Variants in FNIP1 observed in about 807,000 individuals in gnomAD.
The protein encoded by FNIP1 is folliculin-interacting protein 1.
FNIP1 carries 40 observed loss-of-function variants against 124.5 expected under a neutral mutation model. The observed-to-expected ratio is 0.32, with a 90% CI of 0.25 to 0.42. FNIP1 has a LOEUF of 0.42. Ranked by LOEUF, FNIP1 falls within the 10% of genes least tolerant of loss-of-function variation. The probability of loss-of-function intolerance (pLI) is 1.00; values close to 1 mark genes in which losing one functional copy is unlikely to be tolerated. For missense variants in FNIP1, 1,176 were observed against 1,403.7 expected (o/e 0.84, Z 2.59); for synonymous variants, 472 against 470.6 (o/e 1.00, Z -0.04).
At position 131,672,163 on chromosome 5, in the gene FNIP1, G is replaced by A. The variant is rs1178115898; in HGVS notation, c.2281C>T (p.Pro761Ser). ...VTFLIGDSMS[P>S]DSDTELRSQA... ...CTTCGAAGCTCAGTATCTGAATCAG[G>A]TGACATAGAATCCCCAATCAGGAAA... Residue 761 changes from proline (P) to serine (S), a missense_variant, in exon 14 of 18, where the codon CCT becomes TCT. Physicochemically the swap from Pro to Ser is moderately conservative, Grantham distance 74. This residue lies in a region of FNIP1 where 1,109 missense variants were observed against 1,288.5 expected (regional missense o/e 0.86). Transcript: ENST00000510461. The A allele has an allele frequency of 6.2e-7, 1 of 1,614,166 alleles. No homozygotes were observed.
intron 15 of FNIP1, among the ~76,000 whole-genome samples, chr5:131,663,459 T>C (rs995605563): frequency 5.9e-5 from 9 of 152,302 alleles, no homozygotes; most frequent in African/African-American, 1.9e-4. Flanking sequence ...GAATCAAACA[T>C]TGTCAGAAAA....
intron 7 of FNIP1, among the ~76,000 whole-genome samples, chr5:131,710,369 A>T (rs967998784): frequency 7.9e-5 from 12 of 152,240 alleles, no homozygotes; most frequent in African/African-American, 2.4e-4. Context: ...TTTCATAAAA[A>T]TGTCAATTCT....
At chr5:131,674,047 AAAT>A (rs1259354717) in intron 13 of FNIP1, among the ~76,000 whole-genome samples, 2 of 152,040 alleles carry the variant, frequency 1.3e-5, no homozygotes, top group Non-Finnish European at 2.9e-5. Context: ...AAAAAAATAA[AAAT>A]AATAAAAAAT....
chr5:131,694,187 T>G (rs1768611270), intron 11 of FNIP1, among the ~76,000 whole-genome samples: 1 of 152,192 alleles, frequency 6.6e-6, no homozygotes, highest in African/African-American at 2.4e-5. Flanking sequence ...CTAAACATAG[T>G]TTTTCCATAA....
intron 8 of FNIP1, among the ~76,000 whole-genome samples, chr5:131,708,185 T>C (rs1769178286): frequency 6.6e-6 from 1 of 152,230 alleles, no homozygotes; most frequent in African/African-American, 2.4e-5. Flanking sequence ...CGAGAGTCTT[T>C]GAAAGTAGAG....
At chr5:131,647,774 C>CCT (rs1580723772) in intron 16 of FNIP1, among the ~76,000 whole-genome samples, 2 of 152,064 alleles carry the variant, frequency 1.3e-5, no homozygotes, top group Non-Finnish European at 2.9e-5. Flanking sequence ...CATGTCCAGC[C>CCT]CTTTTTAACC....
intron 1 of FNIP1, among the ~76,000 whole-genome samples, chr5:131,752,890 GA>G (rs1490483284): frequency 6.6e-6 from 1 of 152,124 alleles, no homozygotes; most frequent in Non-Finnish European, 1.5e-5. Context: ...CTACATGGGA[GA>G]AATCCCAACT....
Position 131,679,074 on chromosome 5 carries a change from A to G in FNIP1, c.1304T>C (p.Phe435Ser). The change falls in exon 12 of 18, where the codon TTC becomes TCC. Residue 435 changes from phenylalanine (F) to serine (S), a missense_variant. Physicochemically the swap from Phe to Ser is radical, Grantham distance 155. Coordinates refer to ENST00000510461, the MANE Select transcript of FNIP1 (RefSeq NM_133372.3). ...CATTAGAAAGGTGAACTCCTTCATG[A>G]AACGATAGCAAAGGTGGTTCTTTTC... Reference protein sequence around the residue: ...TPEKNHLCYRFMKEFTFLMEN... With the variant: ...TPEKNHLCYRSMKEFTFLMEN... The G allele has an allele frequency of 6.2e-7, 1 of 1,612,836 alleles. No individual in the cohort carries two copies. The highest frequency in any genetic ancestry group is 8.5e-7 in the Non-Finnish European group (1 of 1,179,482).
intron 3 of FNIP1, among the ~76,000 whole-genome samples, chr5:131,722,320 A>G (rs1769694364): frequency 6.6e-6 from 1 of 152,236 alleles, no homozygotes; most frequent in South Asian, 2.1e-4. Context: ...TTTTAGGGTT[A>G]TCATGTATGT....
intron 11 of FNIP1, among the ~76,000 whole-genome samples, chr5:131,695,857 A>G (rs2149528070): frequency 6.6e-6 from 1 of 152,342 alleles, no homozygotes; most frequent in Middle Eastern, 3.4e-3. Context: ...TGTGTTCAAC[A>G]TTGAGAAAAC....
rs60928249 is a variant in FNIP1 at position 131,739,812 on chromosome 5, CAAAAAAAAAAAA to C, written c.219+4740_219+4751del. Among the ~76,000 whole-genome samples the C allele has an allele frequency of 4.5e-4, 14 of 31,378 alleles. No individual in the cohort carries two copies. In the East Asian group the frequency reaches 9.6e-3, roughly 22 times the overall value. The allele number at this position is 31,378 out of a possible 152,430, so 20.6% of individuals were successfully genotyped here. On this transcript the variant is annotated intron_variant, in intron 2 of 17. Coordinates refer to ENST00000510461, the MANE Select transcript of FNIP1 (RefSeq NM_133372.3). ...TGGGTGACAGAGTGAGACTCCAGCTCAAAAAAAAAAAAAAAAAAAAAAAAACACTGTTTTAGA... is the reference window on the plus strand; with the variant it reads ...TGGGTGACAGAGTGAGACTCCAGCTCAAAAAAAAAAAAACACTGTTTTAGA...
chr5:131,758,130 A>G (rs1360127580), intron 1 of FNIP1, among the ~76,000 whole-genome samples: 6 of 152,248 alleles, frequency 3.9e-5, no homozygotes, highest in Admixed American at 3.3e-4. Context: ...ATTGCTTAGA[A>G]TATGATATTA....
In FNIP1 at chr5:131,679,069, T is replaced by C; in HGVS notation, c.1309A>G (p.Lys437Glu). The part of the protein sequence containing the change: ...EKNHLCYRFM[K>E]EFTFLMENAS... ...TTTTCCATTAGAAAGGTGAACTCCT[T>C]CATGAAACGATAGCAAAGGTGGTTC... is the stretch of plus-strand genomic sequence containing the variant. Residue 437 changes from lysine to glutamate, a missense_variant, in exon 12 of 18, where the codon AAG (lysine) becomes GAG (glutamate). Lys to Glu is a moderately conservative substitution (Grantham distance 56). Around this residue, in one of 2 missense-constraint regions of FNIP1, gnomAD observed 1,109 missense variants for 1,288.5 expected, o/e 0.86. Transcript: ENST00000510461. 1 of 1,612,784 alleles carries C rather than the reference T, an allele frequency of 6.2e-7. No individual in the cohort carries two copies. The highest frequency in any genetic ancestry group is 8.5e-7 in the Non-Finnish European group (1 of 1,179,450).
intron 15 of FNIP1, among the ~76,000 whole-genome samples, chr5:131,662,215 C>T (rs942959398): frequency 6.6e-6 from 1 of 152,018 alleles, no homozygotes; most frequent in Admixed American, 6.6e-5. Flanking sequence ...TCATCTTTTG[C>T]TATCTTAAGC....
intron 1 of FNIP1, among the ~76,000 whole-genome samples, chr5:131,771,876 T>C (rs545730521): frequency 6.6e-6 from 1 of 152,298 alleles, no homozygotes; most frequent in Non-Finnish European, 1.5e-5. Context: ...CCATTCCACC[T>C]ACGCACATTT....
intron 13 of FNIP1, among the ~76,000 whole-genome samples, chr5:131,674,560 T>A (rs1344392987): frequency 6.6e-6 from 1 of 150,876 alleles, no homozygotes; most frequent in Non-Finnish European, 1.5e-5. Flanking sequence ...TACAAAAAAA[T>A]ACAGAAAATT....
chr5:131,784,364 G>A (rs972768330), intron 1 of FNIP1, among the ~76,000 whole-genome samples: 5 of 151,982 alleles, frequency 3.3e-5, no homozygotes, highest in Admixed American at 6.5e-5. Flanking sequence ...AGACATTTAC[G>A]ATACAACAAT....
At chr5:131,692,214 A>G (rs1426104885) in intron 11 of FNIP1, among the ~76,000 whole-genome samples, 12 of 152,212 alleles carry the variant, frequency 7.9e-5, no homozygotes, top group Non-Finnish European at 1.6e-4. Context: ...GCAGAATACA[A>G]TGTAAATATA....
intron 1 of FNIP1, among the ~76,000 whole-genome samples, chr5:131,763,479 G>T (rs1771307220): frequency 6.6e-6 from 1 of 152,178 alleles, no homozygotes; most frequent in African/African-American, 2.4e-5. Context: ...CATGATACTG[G>T]CATCTGCTCA....
Sources: allele counts gnomAD v4.1 joint callset (sites outside exome capture counted in the v4.1 genomes callset), GRCh38; gene constraint gnomAD v4.1.1; regional missense constraint gnomAD v4.1.1; transcripts MANE v1.5; gene names NCBI Gene and HGNC (gene_info 2026-07-23, HGNC 2026-07-21).